RNGTT: variants seen among roughly 807,000 people sequenced by gnomAD.
RNGTT encodes mRNA-capping enzyme.
RNGTT carries 33 observed loss-of-function variants against 79.3 expected under a neutral mutation model. The observed-to-expected ratio is 0.42, with a 90% CI of 0.32 to 0.56. The LOEUF is 0.56. Among genes scored for constraint, RNGTT ranks in the 20% least tolerant of loss-of-function variants. The pLI, the probability that RNGTT is intolerant of heterozygous loss-of-function variation, is 0.17. For missense variants in RNGTT, 497 were observed against 739.1 expected (o/e 0.67, Z 3.80); for synonymous variants, 222 against 235.9 (o/e 0.94, Z 0.54).
intron 12 of RNGTT, among the ~76,000 whole-genome samples, chr6:88,780,554 AATT>A (rs568173543): frequency 4.7e-4 from 71 of 152,228 alleles, no homozygotes; most frequent in Non-Finnish European, 9.1e-4. Flanking sequence ...AGGTTAAAAT[AATT>A]ATCAGAGCTA....
chr6:88,793,526 A>G (rs1427277553), intron 12 of RNGTT, among the ~76,000 whole-genome samples: 1 of 152,238 alleles, frequency 6.6e-6, no homozygotes, highest in Non-Finnish European at 1.5e-5. Flanking sequence ...TATAATCTTA[A>G]CAACTTAGGA....
chr6:88,785,144 T>G (rs1779186801), intron 12 of RNGTT, among the ~76,000 whole-genome samples: 2 of 152,148 alleles, frequency 1.3e-5, no homozygotes, highest in African/African-American at 4.8e-5. Flanking sequence ...CCCTAATTCA[T>G]TAAGTGTTTA....
chr6:88,912,444 A>C (rs1783857208), intron 4 of RNGTT, among the ~76,000 whole-genome samples: 1 of 152,154 alleles, frequency 6.6e-6, no homozygotes, highest in Non-Finnish European at 1.5e-5. Context: ...GATAGATCTC[A>C]AACTATCTAA....
chr6:88,668,172 T>C (rs1027790988), intron 14 of RNGTT, among the ~76,000 whole-genome samples: 5 of 152,128 alleles, frequency 3.3e-5, no homozygotes, highest in Non-Finnish European at 4.4e-5. Context: ...GACTGGAACA[T>C]AGCCCCTTTG....
chr6:88,758,563 A>G (rs1024833472), intron 13 of RNGTT, among the ~76,000 whole-genome samples: 1 of 152,234 alleles, frequency 6.6e-6, no homozygotes, highest in Non-Finnish European at 1.5e-5. Context: ...TAAAAAACAC[A>G]GAATGTTCCA....
At chr6:88,834,138 T>C (rs1055835221) in intron 11 of RNGTT, among the ~76,000 whole-genome samples, 7 of 152,226 alleles carry the variant, frequency 4.6e-5, no homozygotes, top group South Asian at 2.1e-4. Flanking sequence ...TTAGCAAACA[T>C]AGAAAATTCT....
chr6:88,637,771 T>C (rs941141766), intron 14 of RNGTT, among the ~76,000 whole-genome samples: 1 of 152,160 alleles, frequency 6.6e-6, no homozygotes, highest in African/African-American at 2.4e-5. Flanking sequence ...GGTTTGTAAC[T>C]GCTTTAGGGG....
At position 88,611,927 on chromosome 6, in the gene RNGTT, A is replaced by G. The variant is rs1437523850; in HGVS notation, c.*792T>C. On this transcript the variant is annotated 3_prime_UTR_variant, in exon 16 of 16. Transcript: ENST00000369485. ...GCAGAAGTAGCCCTGGCATTTAAAAAAAGAAGTCTCCCAGGAGAACAACAC... is the reference window on the plus strand; with the variant it reads ...GCAGAAGTAGCCCTGGCATTTAAAAGAAGAAGTCTCCCAGGAGAACAACAC... The G allele has an allele frequency of 6.6e-6, 1 of 152,666 alleles. No individual in the cohort carries two copies. The highest frequency in any genetic ancestry group is 1.5e-5 in the Non-Finnish European group (1 of 68,054). 9.5% of individuals were successfully genotyped at this position (152,666 alleles called of 1,614,324 possible). A position where few individuals can be genotyped will look rare whatever the true frequency, so the allele number is the denominator to read the frequency against.
chr6:88,719,414 C>T (rs1480958509), intron 13 of RNGTT, among the ~76,000 whole-genome samples: 2 of 152,272 alleles, frequency 1.3e-5, no homozygotes, highest in African/African-American at 4.8e-5. Context: ...ATGATTCACT[C>T]TCTAGTCTAA....
At chr6:88,664,532 G>A (rs192986027) in intron 14 of RNGTT, among the ~76,000 whole-genome samples, 42 of 152,340 alleles carry the variant, frequency 2.8e-4, no homozygotes, top group Middle Eastern at 3.4e-3. Context: ...CCGGTGAAAT[G>A]CTGACCTACT....
At chr6:88,801,108 C>A (rs1437568498) in intron 12 of RNGTT, among the ~76,000 whole-genome samples, 2 of 152,112 alleles carry the variant, frequency 1.3e-5, no homozygotes, top group African/African-American at 4.8e-5. Context: ...AAAAAATATT[C>A]AAAAGTTTTA....
At chr6:88,770,809 CTAAAG>C (rs1778629434) in intron 12 of RNGTT, among the ~76,000 whole-genome samples, 1 of 152,194 alleles carries the variant, frequency 6.6e-6, no homozygotes, top group South Asian at 2.1e-4. Context: ...TTTAGCCTTT[CTAAAG>C]TGTGTGTCTC....
At chr6:88,925,225 C>T (rs1784281935) in intron 4 of RNGTT, among the ~76,000 whole-genome samples, 1 of 152,102 alleles carries the variant, frequency 6.6e-6, no homozygotes, top group East Asian at 1.9e-4. Flanking sequence ...GGGCGAAGTA[C>T]TTAACTTCTC....
At chr6:88,729,493 A>G (rs569980622) in intron 13 of RNGTT, among the ~76,000 whole-genome samples, 1 of 152,246 alleles carries the variant, frequency 6.6e-6, no homozygotes, top group South Asian at 2.1e-4. Flanking sequence ...GGAGTACCAG[A>G]TCAATTTAAA....
chr6:88,670,095 A>G (rs1774574009), intron 14 of RNGTT, among the ~76,000 whole-genome samples: 1 of 152,230 alleles, frequency 6.6e-6, no homozygotes, highest in African/African-American at 2.4e-5. Context: ...CAGTGGAAAG[A>G]GGGGTCTGTG....
At chr6:88,613,006 T>C (rs2127844588) in intron 15 of RNGTT, 124 bp from the exon 16 acceptor site, 2 of 864,130 alleles carry the variant, frequency 2.3e-6, no homozygotes, top group Non-Finnish European at 3.5e-6. Context: ...ATTTGAGTGA[T>C]GTGCTTCACA....
chr6:88,624,492 T>G (rs1772553177), intron 14 of RNGTT, among the ~76,000 whole-genome samples: 1 of 151,894 alleles, frequency 6.6e-6, no homozygotes, highest in African/African-American at 2.4e-5. Flanking sequence ...ATGATAGTCT[T>G]TTCAATAAAT....
intron 12 of RNGTT, among the ~76,000 whole-genome samples, chr6:88,771,341 A>G (rs1000699383): frequency 3.0e-5 from 4 of 131,874 alleles, no homozygotes; most frequent in Non-Finnish European, 4.7e-5. Context: ...ATATATATAT[A>G]TATATATATA....
chr6:88,875,491 T>C (rs146858359), intron 8 of RNGTT, among the ~76,000 whole-genome samples: 1 of 152,186 alleles, frequency 6.6e-6, no homozygotes, highest in African/African-American at 2.4e-5. Context: ...ACAGTAAAAA[T>C]AACTATCAAA....
Sources: allele counts gnomAD v4.1 joint callset (sites outside exome capture counted in the v4.1 genomes callset), GRCh38; gene constraint gnomAD v4.1.1; transcripts MANE v1.5; gene names NCBI Gene and HGNC (gene_info 2026-07-23, HGNC 2026-07-21).